LY75: variants seen among roughly 807,000 people sequenced by gnomAD.
LY75 encodes lymphocyte antigen 75, also known as C-type lectin domain family 13 member B.
Under a neutral mutation model 231.7 loss-of-function variants are expected in LY75, and 185 were observed. The ratio of observed to expected loss-of-function variants is 0.80; its 90% CI spans 0.71 to 0.90. The LOEUF (loss-of-function observed/expected upper bound fraction) is 0.90. Among genes scored for constraint, LY75 ranks in the 40% least tolerant of loss-of-function variants. LY75 has a pLI of 0.00. For synonymous variants in LY75, 668 were observed against 689.0 expected (o/e 0.97, Z 0.48); for missense variants, 1,947 against 2,050.2 (o/e 0.95, Z 0.97).
rs1015252430 is a variant in LY75 at position 159,835,427 on chromosome 2, C to G, written c.3673+53G>C. 3 of 1,468,032 alleles carry G rather than the reference C, an allele frequency of 2.0e-6. No homozygotes were observed. In the African/African-American group the frequency reaches 4.3e-5, roughly 21 times the overall value. The allele number at this position is 1,468,032 out of a possible 1,614,324, so 90.9% of individuals were successfully genotyped here. On this transcript the variant is annotated intron_variant, in intron 26 of 34. Transcript: ENST00000263636. ...TAAAACCACTCCTCAGAAATTCTACCACTTATGGGACTGTTAATAATTTAA... is the reference window on the plus strand; with the variant it reads ...TAAAACCACTCCTCAGAAATTCTACGACTTATGGGACTGTTAATAATTTAA...
chr2:159,875,756 T>C, intron 11 of LY75, 113 bp from the exon 12 acceptor site: 1 of 1,244,114 alleles, frequency 8.0e-7, no homozygotes, highest in Non-Finnish European at 1.1e-6. Context: ...AAAAAAAAAA[T>C]GGAACAAAGA....
intron 24 of LY75, among the ~76,000 whole-genome samples, chr2:159,841,308 C>A (rs1444816150): frequency 6.6e-6 from 1 of 152,050 alleles, no homozygotes; most frequent in Non-Finnish European, 1.5e-5. Context: ...AAAGTTTTCA[C>A]CTGGGAGAGC....
At chr2:159,899,218 G>T in intron 1 of LY75, 159 bp from the exon 2 acceptor site, 13 of 858,668 alleles carry the variant, frequency 1.5e-5, no homozygotes, top group Non-Finnish European at 1.8e-5. Context: ...ACAGTGGTGA[G>T]CAGAGAGGCA....
At chr2:159,899,853 T>C (rs1686020601) in intron 1 of LY75, among the ~76,000 whole-genome samples, 1 of 152,218 alleles carries the variant, frequency 6.6e-6, no homozygotes, top group Non-Finnish European at 1.5e-5. Flanking sequence ...GGGTAGAACC[T>C]GTGGCCAGCT....
intron 23 of LY75, among the ~76,000 whole-genome samples, chr2:159,849,596 C>T (rs1158019136): frequency 6.6e-6 from 1 of 152,076 alleles, no homozygotes; most frequent in Admixed American, 6.6e-5. Flanking sequence ...ACCAGTACAT[C>T]CATCAGAAGG....
At chr2:159,863,131 G>C (rs933087500) in intron 14 of LY75, among the ~76,000 whole-genome samples, 1 of 151,330 alleles carries the variant, frequency 6.6e-6, no homozygotes, top group Non-Finnish European at 1.5e-5. Context: ...TGTCACAAAC[G>C]GCAGGATTTC....
Position 159,864,820 on chromosome 2 carries a change from C to A in LY75, c.2199+19G>T. The A allele has an allele frequency of 1.3e-6, 2 of 1,561,180 alleles. No homozygotes were observed. Among genetic ancestry groups the A allele is most frequent in the Non-Finnish European group, 1.7e-6 (2 of 1,156,802 alleles). ...AACAGTGTTTCCATACTACCTAAAA[C>A]AATAACGTTTTAACTTACTGGTGTA... is the stretch of plus-strand genomic sequence containing the variant. On this transcript the variant is annotated intron_variant, in intron 14 of 34. Coordinates refer to ENST00000263636, the MANE Select transcript of LY75 (RefSeq NM_002349.4).
In LY75 at chr2:159,864,896, AC is replaced by A. The variant is rs755902185; in HGVS notation, c.2141del (p.Gly714ValfsTer2). On this transcript the variant is annotated frameshift_variant, in exon 14 of 35. Transcript: ENST00000263636. LOFTEE classifies it high-confidence loss of function. ...GTAAATCTGGGCTCCTTTTATTCAA[AC>A]CAATCCACAGCCAATGCTGGCCACT... ...QFSGQHWLWI[G>X]LNKRSPDLQG... is the part of the protein sequence containing the mutation. The A allele has an allele frequency of 5.6e-4, 899 of 1,604,696 alleles. 1 individual carries two copies. Among genetic ancestry groups the A allele is most frequent in the Middle Eastern group, 1.2e-3 (7 of 6,072 alleles).
intron 33 of LY75, chr2:159,807,900 A>G (rs1331992293): frequency 1.0e-6 from 1 of 985,152 alleles, no homozygotes; most frequent in Non-Finnish European, 1.2e-6. Context: ...ATTATCTGCA[A>G]TTTTATAGGT....
At chr2:159,902,954 C>T (rs892846054) in intron 1 of LY75, 3 of 152,194 alleles carry the variant, frequency 2.0e-5, no homozygotes, top group Admixed American at 6.5e-5. Context: ...CAAGCCTAGC[C>T]GTGCACATGT....
rs374738992 is a variant in LY75, at chr2:159,890,242, T to C, written c.773A>G (p.Asn258Ser). ...AAGGTAAGTTAATTCAGCAGCACTG[T>C]TGATGCTCAGTAAATCAGCTCCTTG... ...QNQGADLLSI[N>S]SAAELTYLKE... is the part of the protein sequence containing the mutation. Residue 258 changes from asparagine (N) to serine (S), a missense_variant, in exon 4 of 35, where the codon AAC becomes AGC. Coordinates refer to ENST00000263636, the MANE Select transcript of LY75 (RefSeq NM_002349.4). 27 of 1,613,304 alleles carry C rather than the reference T, an allele frequency of 1.7e-5. No homozygotes were observed. The highest frequency in any genetic ancestry group is 2.1e-5 in the Non-Finnish European group (25 of 1,179,646).
intron 3 of LY75, among the ~76,000 whole-genome samples, chr2:159,891,337 A>T (rs1685750225): frequency 6.6e-6 from 1 of 152,208 alleles, no homozygotes; most frequent in African/African-American, 2.4e-5. Context: ...CTCTGATGGC[A>T]CATCCTGCTG....
Position 159,881,078 on chromosome 2 carries a change from C to A in LY75, c.1404+5G>T. On this transcript the variant is annotated splice_donor_5th_base_variant and intron_variant, in intron 8 of 34. Coordinates refer to ENST00000263636, the MANE Select transcript of LY75 (RefSeq NM_002349.4). ...AATATAAAGAAACCACAGGAGGTTT[C>A]GTACCTCTCCTAAGTAGGAAACACA... 2 of 1,611,882 alleles carry A rather than the reference C, an allele frequency of 1.2e-6. No homozygotes were observed. Among genetic ancestry groups the A allele is most frequent in the Non-Finnish European group, 1.7e-6 (2 of 1,179,280 alleles).
chr2:159,837,136 C>G (rs1683854229), intron 25 of LY75, among the ~76,000 whole-genome samples: 1 of 152,202 alleles, frequency 6.6e-6, no homozygotes, highest in Non-Finnish European at 1.5e-5. Context: ...AATCCCATTA[C>G]TGGGTATATA....
intron 4 of LY75, among the ~76,000 whole-genome samples, chr2:159,889,361 T>G (rs1421380291): frequency 2.0e-5 from 3 of 152,172 alleles, no homozygotes; most frequent in Non-Finnish European, 4.4e-5. Context: ...CCAGAGCAGC[T>G]GGGACTACAG....
chr2:159,843,211 A>C (rs1684096407), intron 23 of LY75, among the ~76,000 whole-genome samples: 3 of 152,122 alleles, frequency 2.0e-5, no homozygotes, highest in African/African-American at 4.8e-5. Flanking sequence ...TTTATAACAC[A>C]GGTCAAGCAA....
Position 159,808,475 on chromosome 2 carries a change from C to G in LY75, c.4796G>C (p.Trp1599Ser). 3.1e-6 allele frequency: 5 copies of G among 1,613,882 alleles called. No homozygotes were observed. Among genetic ancestry groups the G allele is most frequent in the Non-Finnish European group, 4.2e-6 (5 of 1,179,934 alleles). ...AACAGAATGTTGAGATAATCCAAGC[C>G]AAACTCTCATGGTAATGTTATTATT... ...RENNNITMRVWLGLSQHSVDQ... is the reference protein window; with the variant it reads ...RENNNITMRVSLGLSQHSVDQ... The change falls in exon 33 of 35, where the codon TGG (tryptophan) becomes TCG (serine). Residue 1599 changes from tryptophan (W) to serine (S), a missense_variant. Physicochemically the swap from Trp to Ser is radical, Grantham distance 177. Coordinates refer to ENST00000263636, the MANE Select transcript of LY75 (RefSeq NM_002349.4).
intron 21 of LY75, among the ~76,000 whole-genome samples, chr2:159,850,889 A>T (rs1256025015): frequency 6.8e-6 from 1 of 146,896 alleles, no homozygotes; most frequent in Non-Finnish European, 1.5e-5. Context: ...TCTCTCATTT[A>T]TTGAGTGCTT....
At chr2:159,852,486 T>C (rs1684434090) in intron 20 of LY75, 146 bp from the exon 21 acceptor site, 3 of 1,130,774 alleles carry the variant, frequency 2.7e-6, no homozygotes. Flanking sequence ...TGGTGCAATG[T>C]TGGCTTACTG....
Sources: gnomAD v4.1 joint callset for allele counts (sites outside exome capture counted in the v4.1 genomes callset) on GRCh38, gnomAD v4.1.1 for gene constraint, MANE v1.5 for transcripts, NCBI Gene and HGNC (gene_info 2026-07-23, HGNC 2026-07-21) for gene names.